CHD6: variants seen among roughly 807,000 people sequenced by gnomAD.
The protein encoded by CHD6 is ATP-dependent chromatin remodeler CHD6.
In CHD6, 50 loss-of-function variants were observed where a neutral mutation model predicts 276.9. The observed-to-expected ratio is 0.18, with a 90% CI of 0.14 to 0.23. The LOEUF (loss-of-function observed/expected upper bound fraction) is 0.23, where lower values mean the gene tolerates loss of function less well. CHD6 is among the 10% of genes least tolerant of loss of function. The probability of loss-of-function intolerance (pLI) is 1.00; values close to 1 mark genes in which losing one functional copy is unlikely to be tolerated. For synonymous variants in CHD6, 1,173 were observed against 1,229.3 expected (o/e 0.95, Z 0.96); for missense variants, 2,564 against 3,365.8 (o/e 0.76, Z 5.89).
At chr20:41,523,993 A>G (rs1057295199) in intron 3 of CHD6, among the ~76,000 whole-genome samples, 2 of 152,304 alleles carry the variant, frequency 1.3e-5, no homozygotes, top group South Asian at 4.2e-4. Context: ...ATGCGTTACT[A>G]CTACAGCCAC....
chr20:41,534,070 C>T (rs1038065726), intron 2 of CHD6, among the ~76,000 whole-genome samples: 1 of 152,108 alleles, frequency 6.6e-6, no homozygotes, highest in African/African-American at 2.4e-5. Flanking sequence ...AGAAAACATC[C>T]CTTTGGGTTT....
chr20:41,535,297 G>A (rs2044802889), intron 2 of CHD6, among the ~76,000 whole-genome samples: 1 of 152,188 alleles, frequency 6.6e-6, no homozygotes, highest in Non-Finnish European at 1.5e-5. Context: ...GTACACTAGG[G>A]CTTCTGCAAG....
In CHD6 at chr20:41,422,066, G is replaced by A; in HGVS notation, c.4569C>T (p.Thr1523=). ...CAGTGATGGGTTCAACGTAGATGGT[G>A]GTATCTGGGGGACCTGGAGAGAAAG... ...PTWKDGGPPD[T]TIYVEPITEE... Residue 1523 remains threonine, a synonymous_variant, in exon 31 of 37, where the codon ACC becomes ACT. Transcript: ENST00000373233. The A allele has an allele frequency of 1.2e-6, 2 of 1,606,512 alleles. No individual in the cohort carries two copies. The highest frequency in any genetic ancestry group is 1.7e-6 in the Non-Finnish European group (2 of 1,174,640).
intron 1 of CHD6, among the ~76,000 whole-genome samples, chr20:41,559,558 A>G (rs950725240): frequency 2.0e-5 from 3 of 152,088 alleles, no homozygotes; most frequent in Admixed American, 2.0e-4. Context: ...TGGTTTCTTG[A>G]TCCCTCTGAT....
intron 16 of CHD6, 58 bp downstream of exon 16, chr20:41,483,251 A>G: frequency 7.0e-7 from 1 of 1,437,240 alleles, no homozygotes; most frequent in Non-Finnish European, 9.3e-7. Context: ...GATCAAAAAA[A>G]TATCAAAGGA....
chr20:41,492,470 C>T (rs548658236), intron 10 of CHD6, among the ~76,000 whole-genome samples: 1 of 152,312 alleles, frequency 6.6e-6, no homozygotes, highest in Non-Finnish European at 1.5e-5. Context: ...GAGTATCAAC[C>T]TTCCAGTGAT....
At position 41,491,749 on chromosome 20, in the gene CHD6, C is replaced by T. The variant is rs773312119; in HGVS notation, c.1385G>A (p.Arg462Gln). The T allele has an allele frequency of 1.9e-6, 3 of 1,613,676 alleles. No individual in the cohort carries two copies. Among genetic ancestry groups the T allele is most frequent in the Non-Finnish European group, 2.5e-6 (3 of 1,179,800 alleles). ...SREYKNSNQL[R>Q]EYQLEGMNWL... ...GTTCATCCCTTCCAGCTGGTACTCCCGGAGCTGGTTACTGTTCTTATACTC... is the reference window on the plus strand; with the variant it reads ...GTTCATCCCTTCCAGCTGGTACTCCTGGAGCTGGTTACTGTTCTTATACTC... The change falls in exon 11 of 37, where the codon CGG (arginine) becomes CAG (glutamine). Residue 462 changes from arginine (R) to glutamine (Q), a missense_variant. Coordinates refer to ENST00000373233, the MANE Select transcript of CHD6 (RefSeq NM_032221.5).
intron 36 of CHD6, among the ~76,000 whole-genome samples, chr20:41,407,761 C>T (rs549858659): frequency 1.8e-4 from 27 of 152,232 alleles, no homozygotes; most frequent in African/African-American, 4.8e-4. Context: ...CACTCAGCAG[C>T]GAGGGGAACG....
intron 3 of CHD6, among the ~76,000 whole-genome samples, chr20:41,527,637 G>C (rs924144600): frequency 2.0e-5 from 3 of 152,142 alleles, no homozygotes; most frequent in African/African-American, 7.2e-5. Flanking sequence ...TTTTACTAAA[G>C]GCTATTTCAG....
intron 36 of CHD6, among the ~76,000 whole-genome samples, chr20:41,409,514 G>A (rs564256078): frequency 5.2e-4 from 79 of 152,194 alleles, no homozygotes; most frequent in Non-Finnish European, 5.6e-4. Flanking sequence ...AACTCTGGGT[G>A]GACTTAAGAG....
chr20:41,405,067 C>T lies in CHD6; in HGVS notation c.7674G>A (p.Thr2558=), dbSNP rs775057132. 76 of 1,614,084 alleles carry T rather than the reference C, an allele frequency of 4.7e-5. No homozygotes were observed. The highest frequency in any genetic ancestry group is 5.8e-5 in the Non-Finnish European group (69 of 1,180,052). The change falls in exon 37 of 37, where the codon ACG becomes ACA. Residue 2558 remains threonine (T), a synonymous_variant. Coordinates refer to ENST00000373233, the MANE Select transcript of CHD6 (RefSeq NM_032221.5). ...TTTCAGTCACTGCCGTACCACTTTT[C>T]GTTGTGCTTGATAGAGACGCCGGAG... The part of the protein sequence containing the change: ...STAPASLSST[T]KSGTAVTEKT...
intron 8 of CHD6, among the ~76,000 whole-genome samples, chr20:41,496,481 C>A (rs943469886): frequency 6.6e-6 from 1 of 152,114 alleles, no homozygotes. Context: ...GTTTCCTCCA[C>A]GTGTGCTTTA....
chr20:41,415,563 C>T lies in CHD6; in HGVS notation c.6562G>A (p.Asp2188Asn), dbSNP rs1428551003. The T allele has an allele frequency of 6.2e-7, 1 of 1,614,022 alleles. No homozygotes were observed. ...RRPYEFEVER[D>N]AKARGLEQFS... is the part of the protein sequence containing the mutation. ...TGCTCCAGGCCCCGAGCCTTTGCAT[C>T]CCTCTCCACCTCAAACTCATAGGGA... is the stretch of plus-strand genomic sequence containing the variant. Residue 2188 changes from aspartate (D) to asparagine (N), a missense_variant, in exon 34 of 37, where the codon GAT becomes AAT. Physicochemically the swap from Asp to Asn is conservative, Grantham distance 23. Around this residue, in one of 7 missense-constraint regions of CHD6, gnomAD observed 1,024 missense variants for 1,047.9 expected, o/e 0.98. Coordinates refer to ENST00000373233, the MANE Select transcript of CHD6 (RefSeq NM_032221.5).
intron 17 of CHD6, among the ~76,000 whole-genome samples, chr20:41,471,758 A>G (rs1242790216): frequency 6.6e-6 from 1 of 151,838 alleles, no homozygotes; most frequent in Non-Finnish European, 1.5e-5. Context: ...GATGGTCTCA[A>G]TCTCCTGACC....
At chr20:41,433,189 G>A (rs1054480263) in intron 27 of CHD6, among the ~76,000 whole-genome samples, 2 of 152,144 alleles carry the variant, frequency 1.3e-5, no homozygotes, top group African/African-American at 4.8e-5. Flanking sequence ...GGACAGGGCA[G>A]AAGAAATACT....
intron 3 of CHD6, among the ~76,000 whole-genome samples, chr20:41,531,732 G>C (rs2044689969): frequency 6.6e-6 from 1 of 152,144 alleles, no homozygotes; most frequent in African/African-American, 2.4e-5. Flanking sequence ...ATTTTAATTT[G>C]GATTAAGAAA....
intron 1 of CHD6, among the ~76,000 whole-genome samples, chr20:41,571,880 T>TC (rs1364650543): frequency 2.6e-5 from 4 of 152,150 alleles, no homozygotes; most frequent in African/African-American, 9.7e-5. Context: ...GTAACCAGCA[T>TC]CCCCATCCAG....
At chr20:41,457,487 T>G in intron 17 of CHD6, 59 bp from the exon 18 acceptor site, 1 of 1,564,968 alleles carries the variant, frequency 6.4e-7, no homozygotes, top group Non-Finnish European at 8.7e-7. Context: ...GCAGCAACCC[T>G]GGGAATAGGG....
At chr20:41,592,420 G>C (rs1020023099) in intron 1 of CHD6, among the ~76,000 whole-genome samples, 2 of 152,158 alleles carry the variant, frequency 1.3e-5, no homozygotes, top group African/African-American at 2.4e-5. Flanking sequence ...TGTCTTAAAC[G>C]AGAGTCTTTT....
Sources: allele counts gnomAD v4.1 joint callset (sites outside exome capture counted in the v4.1 genomes callset), GRCh38; gene constraint gnomAD v4.1.1; regional missense constraint gnomAD v4.1.1; transcripts MANE v1.5; gene names NCBI Gene and HGNC (gene_info 2026-07-23, HGNC 2026-07-21).